APC: variants seen among roughly 807,000 people sequenced by gnomAD.
The protein encoded by APC is APC regulator of Wnt signaling pathway.
A neutral mutation model predicts 247.0 loss-of-function variants in APC; 72 were observed. The observed-to-expected ratio is 0.29, with a 90% CI of 0.24 to 0.35. The LOEUF is 0.35. Ranked by LOEUF, APC falls within the 10% of genes least tolerant of loss-of-function variation. The pLI, the probability that APC is intolerant of heterozygous loss-of-function variation, is 1.00. For synonymous variants in APC, 1,254 were observed against 1,162.5 expected (o/e 1.08, Z -1.60); for missense variants, 3,400 against 3,360.7 (o/e 1.01, Z -0.29).
intron 4 of APC, among the ~76,000 whole-genome samples, chr5:112,771,138 A>T (rs367740875): frequency 7.2e-5 from 11 of 152,154 alleles, no homozygotes; most frequent in Non-Finnish European, 1.3e-4. Context: ...TTTGCTCCCT[A>T]TTGATAGAAT....
chr5:112,762,969 CAG>C (rs1755833791), intron 2 of APC, among the ~76,000 whole-genome samples: 2 of 152,152 alleles, frequency 1.3e-5, no homozygotes, highest in Non-Finnish European at 2.9e-5. Context: ...TAAATTTACA[CAG>C]ATTTTGTTGA....
intron 2 of APC, among the ~76,000 whole-genome samples, chr5:112,759,142 G>T (rs1451612732): frequency 2.0e-5 from 3 of 152,026 alleles, no homozygotes; most frequent in Non-Finnish European, 2.9e-5. Flanking sequence ...GAAAAACCGA[G>T]ATCAACATTT....
rs370433763 is a variant in APC at position 112,840,495 on chromosome 5, C to T, written c.4901C>T (p.Pro1634Leu). Reference protein sequence around the residue: ...LQPQKHVSFTPGDDMPRVYCV... With the variant: ...LQPQKHVSFTLGDDMPRVYCV... ...CCCCAAAAGCATGTTAGTTTTACAC[C>T]GGGGGATGATATGCCACGGGTGTAT... The change falls in exon 16 of 16, where the codon CCG becomes CTG. Residue 1634 changes from proline (P) to leucine (L), a missense_variant. Physicochemically the swap from Pro to Leu is moderately conservative, Grantham distance 98. This residue lies in a region of APC where 1,788 missense variants were observed against 1,649.5 expected (regional missense o/e 1.08). Coordinates refer to ENST00000257430, the MANE Select transcript of APC (RefSeq NM_000038.6). The surrounding 1 kb of genome is among the most constrained non-coding windows in gnomAD (Gnocchi z 4.1). The T allele has an allele frequency of 2.9e-5, 46 of 1,613,926 alleles. No individual in the cohort carries two copies. The highest frequency in any genetic ancestry group is 1.0e-4 in the Admixed American group (6 of 59,978).
intron 7 of APC, among the ~76,000 whole-genome samples, chr5:112,797,080 C>T (rs796284093): frequency 2.0e-5 from 3 of 152,122 alleles, no homozygotes; most frequent in African/African-American, 7.2e-5. Flanking sequence ...TTTCTTGTAT[C>T]TGTTCAAAAC....
At chr5:112,740,529 T>C (rs1228296819) in intron 1 of APC, among the ~76,000 whole-genome samples, 11 of 143,866 alleles carry the variant, frequency 7.6e-5, no homozygotes, top group East Asian at 3.9e-4. Context: ...TTTTTCTTTT[T>C]TTTTTTTTTT....
rs778206304 is a variant in APC, at chr5:112,838,388, T to G, written c.2794T>G (p.Ser932Ala). 4 of 1,614,196 alleles carry G rather than the reference T, an allele frequency of 2.5e-6. No homozygotes were observed. Among genetic ancestry groups the G allele is most frequent in the Non-Finnish European group, 3.4e-6 (4 of 1,180,030 alleles). ...LRRSSAAHTH[S>A]NTYNFTKSEN... ...AAGAAGCTCTGCTGCCCATACACAT[T>G]CAAACACTTACAATTTCACTAAGTC... The change falls in exon 16 of 16, where the codon TCA (serine) becomes GCA (alanine). Residue 932 changes from serine to alanine, a missense_variant. Ser to Ala is a moderately conservative substitution (Grantham distance 99). Around this residue, in one of 9 missense-constraint regions of APC, gnomAD observed 715 missense variants for 656.6 expected, o/e 1.09. Transcript: ENST00000257430.
intron 8 of APC, among the ~76,000 whole-genome samples, chr5:112,813,904 A>G (rs1762229418): frequency 1.3e-5 from 2 of 152,196 alleles, no homozygotes; most frequent in Admixed American, 6.5e-5. Context: ...TATTACTCCC[A>G]TTGTGGTTTT....
intron 9 of APC, among the ~76,000 whole-genome samples, chr5:112,816,679 G>A (rs1762543295): frequency 1.3e-5 from 2 of 151,492 alleles, no homozygotes; most frequent in Non-Finnish European, 2.9e-5. Context: ...TGTAATCCCA[G>A]CTACTCGGGA....
upstream of APC, among the ~76,000 whole-genome samples, chr5:112,737,702 G>T (rs1028904159): frequency 1.3e-5 from 2 of 152,236 alleles, no homozygotes; most frequent in African/African-American, 4.8e-5. Context: ...CAGGCTGTGC[G>T]GTTGGGCGGG....
intron 14 of APC, among the ~76,000 whole-genome samples, chr5:112,834,470 C>G (rs944823320): frequency 1.3e-5 from 2 of 149,826 alleles, no homozygotes; most frequent in Non-Finnish European, 3.0e-5. Flanking sequence ...GTCTTGAACT[C>G]CTGACCTCAG....
rs1765908360 is a variant in APC, at chr5:112,840,870, C to T, written c.5276C>T (p.Ala1759Val). 6.2e-7 allele frequency: 1 copy of T among 1,613,982 alleles called. No individual in the cohort carries two copies. Among genetic ancestry groups the T allele is most frequent in the Non-Finnish European group, 8.5e-7 (1 of 1,179,880 alleles). The change falls in exon 16 of 16, where the codon GCA (alanine) becomes GTA (valine). Residue 1759 changes from alanine to valine, a missense_variant. This residue lies in a region of APC where 1,788 missense variants were observed against 1,649.5 expected (regional missense o/e 1.08). Transcript: ENST00000257430. This position sits in a 1 kb window ranked among gnomAD's most constrained non-coding sequence, Gnocchi z 4.1. ...QVQQASASSS[A>V]PNKNQLDGKK... The stretch of plus-strand genomic sequence containing the variant: ...CAGCAAGCATCTGCGTCTTCTTCTG[C>T]ACCCAACAAAAATCAGTTAGATGGT...
intron 1 of APC, among the ~76,000 whole-genome samples, chr5:112,738,926 ATCTTT>A (rs1293996429): frequency 5.9e-5 from 9 of 152,318 alleles, no homozygotes; most frequent in African/African-American, 1.9e-4. Flanking sequence ...GAAACAGTGG[ATCTTT>A]TCTTTTGTTA....
chr5:112,735,523 A>G (rs930968228), upstream of APC, among the ~76,000 whole-genome samples: 2 of 150,700 alleles, frequency 1.3e-5, no homozygotes, highest in Non-Finnish European at 3.0e-5. Flanking sequence ...ATATATGTAT[A>G]TGTAGTGTAA....
At chr5:112,790,796 A>G (rs886672616) in intron 6 of APC, among the ~76,000 whole-genome samples, 2 of 152,234 alleles carry the variant, frequency 1.3e-5, no homozygotes, top group African/African-American at 2.4e-5. Context: ...GCTAATTGCC[A>G]TAGTACTTTT....
intron 4 of APC, among the ~76,000 whole-genome samples, chr5:112,772,534 TA>T (rs1414952857): frequency 1.4e-5 from 2 of 148,034 alleles, no homozygotes; most frequent in African/African-American, 4.9e-5. Flanking sequence ...TTTTTTTTTT[TA>T]AGACGAAATC....
intron 4 of APC, among the ~76,000 whole-genome samples, chr5:112,774,503 C>T (rs796926453): frequency 1.4e-5 from 2 of 147,600 alleles, no homozygotes; most frequent in African/African-American, 5.0e-5. Context: ...GTCCATTGCC[C>T]AGGCTGGAAT....
At chr5:112,832,256 C>T (rs1223779735) in intron 14 of APC, among the ~76,000 whole-genome samples, 1 of 152,122 alleles carries the variant, frequency 6.6e-6, no homozygotes, top group Non-Finnish European at 1.5e-5. Context: ...CAACTCTGGG[C>T]CAGTTGCATC....
intron 7 of APC, among the ~76,000 whole-genome samples, chr5:112,794,677 C>G (rs921174811): frequency 5.3e-5 from 8 of 152,064 alleles, no homozygotes; most frequent in Non-Finnish European, 1.2e-4. Flanking sequence ...TAGCACAGCC[C>G]CAACAGGTTA....
At chr5:112,737,738 G>A, upstream of APC, 1 of 697,632 alleles carries the variant, frequency 1.4e-6, no homozygotes, top group Non-Finnish European at 1.8e-6. Flanking sequence ...GCGGAGTGCG[G>A]GTCGGGAAGC....
Sources: gnomAD v4.1 joint callset for allele counts (sites outside exome capture counted in the v4.1 genomes callset) on GRCh38, gnomAD v4.1.1 for gene constraint, gnomAD v4.1.1 regional missense constraint, Gnocchi (gnomAD v3.1) non-coding constraint, MANE v1.5 for transcripts, NCBI Gene and HGNC (gene_info 2026-07-23, HGNC 2026-07-21) for gene names.